SRSF12: variants seen among roughly 807,000 people sequenced by gnomAD.
SRSF12 encodes serine/arginine-rich splicing factor 12.
A neutral mutation model predicts 34.1 loss-of-function variants in SRSF12; 21 were observed. The ratio of observed to expected loss-of-function variants is 0.62; its 90% CI spans 0.44 to 0.89. SRSF12 has a LOEUF of 0.89. Ranked by LOEUF, SRSF12 falls within the 40% of genes least tolerant of loss-of-function variation. The probability of loss-of-function intolerance (pLI) is 0.00; values close to 1 mark genes in which losing one functional copy is unlikely to be tolerated. For synonymous variants in SRSF12, 111 were observed against 110.8 expected, an observed-to-expected ratio of 1.00 and a Z score of -0.01; for missense variants, 278 against 327.8, an observed-to-expected ratio of 0.85 and a Z score of 1.17.
Position 89,098,699 on chromosome 6 carries a change from C to G in SRSF12, c.665G>C (p.Arg222Thr), listed in dbSNP as rs751046994. ...CCCTTTGGGAGATTTACACGGGGAT[C>G]TTGCTATTGAGTCAGAATGTCTTCC... ...SHGRHSDSIA[R>T]SPCKSPKGYT... The change falls in exon 5 of 5, where the codon AGA becomes ACA. Residue 222 changes from arginine (R) to threonine (T), a missense_variant. Coordinates refer to ENST00000452027, the MANE Select transcript of SRSF12 (RefSeq NM_080743.5). The G allele has an allele frequency of 3.1e-6, 5 of 1,613,946 alleles. No homozygotes were observed. Among genetic ancestry groups the G allele is most frequent in the Non-Finnish European group, 4.2e-6 (5 of 1,179,896 alleles).
chr6:89,106,198 G>T (rs1038197938), intron 2 of SRSF12, among the ~76,000 whole-genome samples: 1 of 152,104 alleles, frequency 6.6e-6, no homozygotes, highest in Admixed American at 6.6e-5. Flanking sequence ...TCAGCTCACT[G>T]TAAGCCCAGG....
At chr6:89,110,906 A>T (rs1769017263) in intron 1 of SRSF12, among the ~76,000 whole-genome samples, 1 of 152,152 alleles carries the variant, frequency 6.6e-6, no homozygotes. Context: ...ACTTGAGCCC[A>T]GGAGTTCAAG....
Position 89,107,659 on chromosome 6 carries a change from T to C in SRSF12, c.66-401A>G, listed in dbSNP as rs74488689. Among the ~76,000 whole-genome samples the C allele has an allele frequency of 2.6e-5, 4 of 151,962 alleles. No homozygotes were observed. In the South Asian group the frequency reaches 8.3e-4, roughly 32 times the overall value. Reference sequence around the variant, plus strand: ...GGCGGGAGAATCACCTGAGTGAGCATGGGGAGGTTGAGGCTGCAGTGAGCC... The same window carrying C: ...GGCGGGAGAATCACCTGAGTGAGCACGGGGAGGTTGAGGCTGCAGTGAGCC... On this transcript the variant is annotated intron_variant, in intron 1 of 4. Coordinates refer to ENST00000452027, the MANE Select transcript of SRSF12 (RefSeq NM_080743.5).
chr6:89,113,790 G>A (rs1466780969), intron 1 of SRSF12, among the ~76,000 whole-genome samples: 3 of 152,000 alleles, frequency 2.0e-5, no homozygotes, highest in African/African-American at 4.8e-5. Context: ...CTACAGGTGC[G>A]CACTACCACA....
At chr6:89,101,148 GATC>G (rs1270604704) in intron 4 of SRSF12, among the ~76,000 whole-genome samples, 1 of 144,476 alleles carries the variant, frequency 6.9e-6, no homozygotes, top group Non-Finnish European at 1.5e-5. Flanking sequence ...TTAACTAAAA[GATC>G]ATTAGAAAAA....
In SRSF12 at chr6:89,097,706, T is replaced by C. The variant is rs1392124264; in HGVS notation, c.*872A>G. 2.6e-5 allele frequency: 4 copies of C among 152,168 alleles called. No individual in the cohort carries two copies. In the East Asian group the frequency reaches 7.7e-4, roughly 29 times the overall value. The allele number at this position is 152,168 out of a possible 1,614,324, so 9.4% of individuals were successfully genotyped here. A position where few individuals can be genotyped will look rare whatever the true frequency, so the allele number is the denominator to read the frequency against. On this transcript the variant is annotated 3_prime_UTR_variant, in exon 5 of 5. Transcript: ENST00000452027. ...CTCTTTCAAAAATAATAAGACTTGT[T>C]CCATATAAAGTTGAGCAAGAACTCT...
At chr6:89,113,917 A>G (rs754067081) in intron 1 of SRSF12, among the ~76,000 whole-genome samples, 19 of 152,172 alleles carry the variant, frequency 1.2e-4, no homozygotes, top group Non-Finnish European at 2.6e-4. Context: ...TGCTGGGATT[A>G]CAGGCATGAG....
In SRSF12 at chr6:89,098,695, G is replaced by A. The variant is rs373984221; in HGVS notation, c.669C>T (p.Ser223=). 82 of 1,613,788 alleles carry A rather than the reference G, an allele frequency of 5.1e-5. No individual in the cohort carries two copies. The highest frequency in any genetic ancestry group is 6.1e-5 in the Non-Finnish European group (72 of 1,179,880). Residue 223 remains serine (S), a synonymous_variant, in exon 5 of 5, where the codon TCC becomes TCT. Transcript: ENST00000452027. ...HGRHSDSIAR[S]PCKSPKGYTN... ...TATACCCTTTGGGAGATTTACACGG[G>A]GATCTTGCTATTGAGTCAGAATGTC...
chr6:89,105,433 G>C lies in SRSF12; in HGVS notation c.268C>G (p.Arg90Gly), dbSNP rs1417467763. ...AGCATTCAGTCACACTTACTTTTGC[G>C]ATCACCTTGTGCAAACTGTATTTCA... ...QIEIQFAQGD[R>G]KTPGQMKSKE... is the part of the protein sequence containing the mutation. The change falls in exon 3 of 5, where the codon CGC becomes GGC. Residue 90 changes from arginine to glycine, a missense_variant. By Grantham distance (125) the Arg-to-Gly change is moderately radical (BLOSUM62 -2). Coordinates refer to ENST00000452027, the MANE Select transcript of SRSF12 (RefSeq NM_080743.5). 1 of 1,602,762 alleles carries C rather than the reference G, an allele frequency of 6.2e-7. No homozygotes were observed. Among genetic ancestry groups the C allele is most frequent in the Non-Finnish European group, 8.5e-7 (1 of 1,175,826 alleles).
At chr6:89,107,692 C>T (rs1200257317) in intron 1 of SRSF12, among the ~76,000 whole-genome samples, 1 of 152,024 alleles carries the variant, frequency 6.6e-6, no homozygotes, top group Non-Finnish European at 1.5e-5. Context: ...GCCAAGATCA[C>T]ACCACTGCAC....
At chr6:89,112,188 T>C (rs556701412) in intron 1 of SRSF12, among the ~76,000 whole-genome samples, 15 of 152,218 alleles carry the variant, frequency 9.9e-5, no homozygotes, top group Non-Finnish European at 1.9e-4. Context: ...AGTGCTGGAA[T>C]TACAGGCATG....
chr6:89,102,207 G>A (rs1351280319), intron 4 of SRSF12, among the ~76,000 whole-genome samples: 2 of 151,872 alleles, frequency 1.3e-5, no homozygotes, highest in South Asian at 2.1e-4. Flanking sequence ...GCAGTGGGGC[G>A]AGCTTGGCTC....
At chr6:89,114,909 G>A (rs1368870129) in intron 1 of SRSF12, among the ~76,000 whole-genome samples, 5 of 151,810 alleles carry the variant, frequency 3.3e-5, no homozygotes, top group Non-Finnish European at 5.9e-5. Context: ...CGATTCTCCT[G>A]TCTCCGCCTC....
chr6:89,105,063 T>G lies in SRSF12; in HGVS notation c.416+56A>C. ...ACAATGAGACCCTATCAAAAAAATA[T>G]ATATCTATTTCCCAGAAAAAGTAGA... On this transcript the variant is annotated intron_variant, in intron 4 of 4. Coordinates refer to ENST00000452027, the MANE Select transcript of SRSF12 (RefSeq NM_080743.5). 7.3e-6 allele frequency: 11 copies of G among 1,504,014 alleles called. No individual in the cohort carries two copies. In the South Asian group the frequency reaches 1.4e-4, roughly 19 times the overall value. The allele number at this position is 1,504,014 out of a possible 1,614,324, so 93.2% of individuals were successfully genotyped here. A position where few individuals can be genotyped will look rare whatever the true frequency, so the allele number is the denominator to read the frequency against.
chr6:89,099,444 A>ATATATGTGTG (rs1768421862), intron 4 of SRSF12, among the ~76,000 whole-genome samples: 1 of 89,782 alleles, frequency 1.1e-5, no homozygotes, highest in Non-Finnish European at 2.3e-5. Flanking sequence ...ATATATACAC[A>ATATATGTGTG]TATATATGTG....
At position 89,096,878 on chromosome 6, in the gene SRSF12, T is replaced by G. The variant is rs1388638097; in HGVS notation, c.*1700A>C. On this transcript the variant is annotated 3_prime_UTR_variant, in exon 5 of 5. Transcript: ENST00000452027. Reference sequence around the variant, plus strand: ...CTAAAAATTTCTATCAATATCTGTCTTACTCATTCTTCAGATTATCCTTTA... The same window carrying G: ...CTAAAAATTTCTATCAATATCTGTCGTACTCATTCTTCAGATTATCCTTTA... The G allele has an allele frequency of 6.6e-6, 1 of 152,226 alleles. No homozygotes were observed. Among genetic ancestry groups the G allele is most frequent in the Non-Finnish European group, 1.5e-5 (1 of 68,038 alleles). 9.4% of individuals were successfully genotyped at this position (152,226 alleles called of 1,614,324 possible).
chr6:89,099,033 C>T (rs1768388000), intron 4 of SRSF12, 86 bp from the exon 5 acceptor site: 13 of 1,425,446 alleles, frequency 9.1e-6, no homozygotes, highest in South Asian at 6.0e-5. Flanking sequence ...ACATACTTTA[C>T]ATAACATTAG....
rs1448610005 is a variant in SRSF12, at chr6:89,096,624, T to C, written c.*1954A>G. On this transcript the variant is annotated 3_prime_UTR_variant, in exon 5 of 5. Coordinates refer to ENST00000452027, the MANE Select transcript of SRSF12 (RefSeq NM_080743.5). Reference sequence around the variant, plus strand: ...TTGTGAATACAGAGTAAAGATACTATAATCAATCCCTAGTTATTATTTTTC... The same window carrying C: ...TTGTGAATACAGAGTAAAGATACTACAATCAATCCCTAGTTATTATTTTTC... 6.6e-6 allele frequency: 1 copy of C among 152,188 alleles called. No homozygotes were observed. The highest frequency in any genetic ancestry group is 6.5e-5 in the Admixed American group (1 of 15,280). The allele number at this position is 152,188 out of a possible 1,614,324, so 9.4% of individuals were successfully genotyped here. A position where few individuals can be genotyped will look rare whatever the true frequency, so the allele number is the denominator to read the frequency against.
At position 89,098,906 on chromosome 6, in the gene SRSF12, C is replaced by T. The variant is rs1018358315; in HGVS notation, c.458G>A (p.Arg153His). The change falls in exon 5 of 5, where the codon CGT becomes CAT. Residue 153 changes from arginine (R) to histidine (H), a missense_variant. Arg to His is a conservative substitution (Grantham distance 29). Transcript: ENST00000452027. Reference protein sequence around the residue: ...RRFSYSQSKSRSKSLPRRSTS... With the variant: ...RRFSYSQSKSHSKSLPRRSTS... ...AGACCGCCTTGGTAATGATTTGGAACGAGATTTAGACTGGCTATAAGAAAA... is the reference window on the plus strand; with the variant it reads ...AGACCGCCTTGGTAATGATTTGGAATGAGATTTAGACTGGCTATAAGAAAA... 6.2e-6 allele frequency: 10 copies of T among 1,613,696 alleles called. No individual in the cohort carries two copies. In the Admixed American group the frequency reaches 6.7e-5, roughly 11 times the overall value.
Sources: gnomAD v4.1 joint callset for allele counts (sites outside exome capture counted in the v4.1 genomes callset) on GRCh38, gnomAD v4.1.1 for gene constraint, MANE v1.5 for transcripts, NCBI Gene and HGNC (gene_info 2026-07-23, HGNC 2026-07-21) for gene names.